Variants in FRAS1 observed in about 807,000 individuals in gnomAD.
FRAS1 encodes the protein Fraser extracellular matrix complex subunit 1.
Under a neutral mutation model 435.2 loss-of-function variants are expected in FRAS1, and 290 were observed. That is an observed-to-expected ratio of 0.67 (90% confidence interval 0.61 to 0.73). The LOEUF (loss-of-function observed/expected upper bound fraction) is 0.73, where lower values mean the gene tolerates loss of function less well. FRAS1 is among the 30% of genes least tolerant of loss of function. The probability of loss-of-function intolerance (pLI) is 0.00; values close to 1 mark genes in which losing one functional copy is unlikely to be tolerated. For missense variants in FRAS1, 4,860 were observed against 5,001.5 expected (o/e 0.97, Z 0.85); for synonymous variants, 1,800 against 1,851.0 (o/e 0.97, Z 0.71).
intron 2 of FRAS1, among the ~76,000 whole-genome samples, chr4:78,233,074 C>T (rs1272499160): frequency 3.9e-5 from 6 of 152,206 alleles, no homozygotes; most frequent in Non-Finnish European, 5.9e-5. Context: ...CCAAGTCCAG[C>T]GACTGAGGGC....
intron 19 of FRAS1, among the ~76,000 whole-genome samples, chr4:78,336,821 G>GCTTAGACCTC (rs1730187294): frequency 1.3e-5 from 2 of 152,122 alleles, no homozygotes; most frequent in African/African-American, 2.4e-5. Flanking sequence ...ACTCAGACCT[G>GCTTAGACCTC]CTTAGACCTC....
intron 7 of FRAS1, 126 bp from the exon 8 acceptor site, chr4:78,266,708 C>G (rs1478503204): frequency 1.4e-6 from 1 of 705,320 alleles, no homozygotes; most frequent in African/African-American, 1.8e-5. Flanking sequence ...TTTCATTTCT[C>G]AAGAGTACAT....
intron 31 of FRAS1, among the ~76,000 whole-genome samples, chr4:78,408,806 C>T (rs1346771138): frequency 6.6e-6 from 1 of 151,988 alleles, no homozygotes; most frequent in African/African-American, 2.4e-5. Flanking sequence ...ATAAGGAGAC[C>T]TTCAGTAGAT....
chr4:78,280,596 T>TTG (rs397779125), intron 10 of FRAS1, among the ~76,000 whole-genome samples: 1 of 149,392 alleles, frequency 6.7e-6, no homozygotes, highest in Non-Finnish European at 1.5e-5. Context: ...TTTTTTTTTT[T>TTG]GATTTGGGTA....
intron 63 of FRAS1, among the ~76,000 whole-genome samples, chr4:78,509,383 C>T (rs1028616847): frequency 3.9e-5 from 6 of 152,180 alleles, no homozygotes; most frequent in East Asian, 1.9e-4. Context: ...TCCAGATAGG[C>T]GCTGTTGATT....
At chr4:78,434,381 C>A (rs957646239) in intron 38 of FRAS1, among the ~76,000 whole-genome samples, 16 of 152,116 alleles carry the variant, frequency 1.1e-4, no homozygotes, top group African/African-American at 3.9e-4. Flanking sequence ...GGATCTTAAT[C>A]CAAGCTCACC....
intron 47 of FRAS1, 98 bp from the exon 48 acceptor site, chr4:78,463,923 G>A (rs1314543348): frequency 9.3e-6 from 12 of 1,293,948 alleles, no homozygotes; most frequent in African/African-American, 1.5e-5. Flanking sequence ...AAATACAAAG[G>A]ACTCTCTATC....
chr4:78,267,258 G>A lies in FRAS1; in HGVS notation c.807G>A (p.Arg269=), dbSNP rs772264041. 2.5e-6 allele frequency: 4 copies of A among 1,613,716 alleles called. No homozygotes were observed. The highest frequency in any genetic ancestry group is 2.5e-6 in the Non-Finnish European group (3 of 1,179,796). The part of the protein sequence containing the change: ...LRCGKGQSRA[R]RHGQCCEECV... ...TGTCCTAGGGTCAGAGCAGGGCTCG[G>A]CGTCATGGGCAATGCTGTGAGGAAT... The change falls in exon 9 of 74, where the codon CGG becomes CGA. Residue 269 remains arginine (R), a synonymous_variant. Transcript: ENST00000512123.
intron 2 of FRAS1, among the ~76,000 whole-genome samples, chr4:78,128,379 C>A (rs1213245083): frequency 3.9e-5 from 6 of 152,096 alleles, no homozygotes; most frequent in South Asian, 4.2e-4. Flanking sequence ...ACAGTGTAAA[C>A]ATGTTCCTAT....
At chr4:78,209,319 T>G (rs1560581898) in intron 2 of FRAS1, among the ~76,000 whole-genome samples, 3 of 152,170 alleles carry the variant, frequency 2.0e-5, no homozygotes, top group Non-Finnish European at 4.4e-5. Context: ...CCCTGGAGGT[T>G]GCATGCACTG....
chr4:78,452,693 A>G (rs889151666), intron 47 of FRAS1, among the ~76,000 whole-genome samples: 3 of 152,212 alleles, frequency 2.0e-5, no homozygotes, highest in Non-Finnish European at 2.9e-5. Flanking sequence ...GGCATTCTGC[A>G]TGGCTTAAAA....
At position 78,430,717 on chromosome 4, in the gene FRAS1, G is replaced by A. The variant is rs143673870; in HGVS notation, c.4969+300G>A. On this transcript the variant is annotated intron_variant, in intron 37 of 73. Coordinates refer to ENST00000512123, the MANE Select transcript of FRAS1 (RefSeq NM_025074.7). ...AAATGCATTCAGAATGACACCATAT[G>A]AGGGATCAGCTGCCACTTTCCTAGC... Among the ~76,000 whole-genome samples, 25 of 152,220 alleles carry A rather than the reference G, an allele frequency of 1.6e-4. No individual in the cohort carries two copies. The East Asian group carries it at 4.7e-3, about 28-fold the overall frequency.
chr4:78,499,499 C>A (rs568479183), intron 60 of FRAS1, among the ~76,000 whole-genome samples: 1 of 152,186 alleles, frequency 6.6e-6, no homozygotes, highest in African/African-American at 2.4e-5. Context: ...TAATAAGGAA[C>A]ATGTGAGACA....
chr4:78,420,687 A>C (rs115402158), intron 33 of FRAS1, among the ~76,000 whole-genome samples: 1 of 139,830 alleles, frequency 7.2e-6, no homozygotes, highest in Non-Finnish European at 1.6e-5. Context: ...TTATAGCCTT[A>C]CCAGCAGACC....
At chr4:78,463,779 C>T (rs951690761) in intron 47 of FRAS1, among the ~76,000 whole-genome samples, 3 of 152,186 alleles carry the variant, frequency 2.0e-5, no homozygotes, top group Admixed American at 2.0e-4. Context: ...ATTGATTGAA[C>T]ACCTGCTGTT....
At chr4:78,531,987 A>G (rs1721730328) in intron 70 of FRAS1, among the ~76,000 whole-genome samples, 1 of 152,220 alleles carries the variant, frequency 6.6e-6, no homozygotes. Context: ...GGTCAGAACC[A>G]TTATCATCAC....
intron 61 of FRAS1, among the ~76,000 whole-genome samples, chr4:78,500,564 T>G (rs1720644315): frequency 6.6e-6 from 1 of 152,180 alleles, no homozygotes; most frequent in Non-Finnish European, 1.5e-5. Flanking sequence ...GAAATCTAAC[T>G]GGTATAGATC....
chr4:78,331,732 A>G (rs1230965694), intron 18 of FRAS1, among the ~76,000 whole-genome samples: 1 of 152,208 alleles, frequency 6.6e-6, no homozygotes, highest in Non-Finnish European at 1.5e-5. Context: ...GGTTATCTGC[A>G]TGAAGAACCA....
At chr4:78,269,267 TTATAACACAGTG>T (rs773578913) in intron 9 of FRAS1, among the ~76,000 whole-genome samples, 92 of 152,248 alleles carry the variant, frequency 6.0e-4, no homozygotes, top group Non-Finnish European at 9.6e-4. Flanking sequence ...TAAGCAAAAA[TTATAACACAGTG>T]TGGCACCAAT....
Sources: gnomAD v4.1 joint callset for allele counts (sites outside exome capture counted in the v4.1 genomes callset) on GRCh38, gnomAD v4.1.1 for gene constraint, MANE v1.5 for transcripts, NCBI Gene and HGNC (gene_info 2026-07-23, HGNC 2026-07-21) for gene names.